SGCZ: variants seen among roughly 807,000 people sequenced by gnomAD.
SGCZ encodes sarcoglycan zeta, also known as zeta-sarcoglycan.
Under a neutral mutation model 41.3 loss-of-function variants are expected in SGCZ, and 40 were observed. That is an observed-to-expected ratio of 0.97 (90% CI 0.75 to 1.26). SGCZ has a LOEUF of 1.26. Among genes scored for constraint, SGCZ ranks in the 50% most tolerant of loss-of-function variants. The pLI is 0.00. For missense variants in SGCZ, 552 were observed against 369.8 expected, an observed-to-expected ratio of 1.49 and a Z score of -4.04; for synonymous variants, 206 against 137.5, an observed-to-expected ratio of 1.50 and a Z score of -3.49.
chr8:14,963,486 G>C (rs906139995), intron 1 of SGCZ, among the ~76,000 whole-genome samples: 1 of 151,954 alleles, frequency 6.6e-6, no homozygotes, highest in African/African-American at 2.4e-5. Flanking sequence ...TTACAGGCGT[G>C]TGCCACCACC....
chr8:14,437,304 C>G (rs900543930), intron 2 of SGCZ, among the ~76,000 whole-genome samples: 3 of 152,074 alleles, frequency 2.0e-5, no homozygotes, highest in African/African-American at 7.2e-5. Flanking sequence ...TGAAAGAAAA[C>G]TTTAATAAAT....
intron 2 of SGCZ, among the ~76,000 whole-genome samples, chr8:14,363,013 A>G (rs1305349749): frequency 2.6e-5 from 4 of 152,152 alleles, no homozygotes; most frequent in African/African-American, 9.7e-5. Context: ...ACGTTGCTCA[A>G]TATGTGGATG....
intron 2 of SGCZ, among the ~76,000 whole-genome samples, chr8:14,464,607 G>C (rs1800996466): frequency 6.7e-6 from 1 of 149,530 alleles, no homozygotes; most frequent in Non-Finnish European, 1.5e-5. Context: ...CTCTGCTTTA[G>C]TCTTTATGAT....
At chr8:14,372,445 T>C (rs111852973) in intron 2 of SGCZ, among the ~76,000 whole-genome samples, 3 of 152,268 alleles carry the variant, frequency 2.0e-5, no homozygotes, top group African/African-American at 7.2e-5. Context: ...CATGAGAGGA[T>C]TTCTGTGGCT....
intron 7 of SGCZ, among the ~76,000 whole-genome samples, chr8:14,093,329 C>G (rs1377604783): frequency 6.6e-6 from 1 of 152,040 alleles, no homozygotes; most frequent in Admixed American, 6.6e-5. Context: ...TTAAGAAACG[C>G]AAATCAAATA....
chr8:14,332,673 T>C (rs1035647740), intron 2 of SGCZ: 6 of 151,640 alleles, frequency 4.0e-5, no homozygotes, highest in Non-Finnish European at 7.4e-5. Flanking sequence ...CATAAATAAA[T>C]GAATAAATCC....
intron 1 of SGCZ, among the ~76,000 whole-genome samples, chr8:14,793,391 G>A (rs1250224442): frequency 6.6e-6 from 1 of 152,120 alleles, no homozygotes; most frequent in African/African-American, 2.4e-5. Context: ...ATGGCACGTA[G>A]CACAGATACT....
rs555831961 is a variant in SGCZ, at chr8:15,117,908, T to C, written c.39+119677A>G. ...TACCCACTTATGCCTTAGGTATTAA[T>C]TGCTGTCTTAAACATACCAGACATG... is the stretch of plus-strand genomic sequence containing the variant. On this transcript the variant is annotated intron_variant, in intron 1 of 7. Transcript: ENST00000382080. Among the ~76,000 whole-genome samples, 9 of 152,346 alleles carry C rather than the reference T, an allele frequency of 5.9e-5. No homozygotes were observed. In the East Asian group the frequency reaches 1.7e-3, roughly 29 times the overall value.
intron 1 of SGCZ, among the ~76,000 whole-genome samples, chr8:14,867,564 C>T (rs552397539): frequency 5.3e-5 from 8 of 152,278 alleles, no homozygotes; most frequent in African/African-American, 1.9e-4. Flanking sequence ...TTTACACTCC[C>T]ACCAAGTGCG....
At chr8:15,189,647 A>G (rs1200943143) in intron 1 of SGCZ, among the ~76,000 whole-genome samples, 1 of 151,864 alleles carries the variant, frequency 6.6e-6, no homozygotes, top group Non-Finnish European at 1.5e-5. Flanking sequence ...AGCTCACTGG[A>G]ACCTCTGCCT....
chr8:14,766,603 C>T (rs1213515114), intron 1 of SGCZ, among the ~76,000 whole-genome samples: 2 of 151,798 alleles, frequency 1.3e-5, no homozygotes, highest in African/African-American at 4.8e-5. Flanking sequence ...ATTCTGTCAC[C>T]CAGGCTGGAG....
At chr8:14,267,054 G>C (rs1321977013) in intron 3 of SGCZ, among the ~76,000 whole-genome samples, 8 of 152,000 alleles carry the variant, frequency 5.3e-5, no homozygotes, top group African/African-American at 1.4e-4. Context: ...GTTTCACTTT[G>C]TCTTATAATA....
chr8:15,048,244 A>T (rs57771945), intron 1 of SGCZ, among the ~76,000 whole-genome samples: 9,363 of 152,102 alleles, frequency 0.062, 408 homozygotes, highest in East Asian at 0.24. Flanking sequence ...GAAAAATATC[A>T]CATGTTCTTA....
chr8:15,105,162 A>C (rs1348752816), intron 1 of SGCZ, among the ~76,000 whole-genome samples: 1 of 152,216 alleles, frequency 6.6e-6, no homozygotes, highest in Non-Finnish European at 1.5e-5. Flanking sequence ...CCAAAAGTCT[A>C]TTCAAGACCT....
chr8:14,369,194 A>G (rs1803823002), intron 2 of SGCZ, among the ~76,000 whole-genome samples: 1 of 152,050 alleles, frequency 6.6e-6, no homozygotes. Context: ...GTCCTTTATA[A>G]CAAAAGCAAA....
At chr8:15,204,984 G>C (rs562220279) in intron 1 of SGCZ, among the ~76,000 whole-genome samples, 1 of 152,072 alleles carries the variant, frequency 6.6e-6, no homozygotes, top group African/African-American at 2.4e-5. Context: ...TAGGTGATGA[G>C]AAATAAGCAC....
intron 1 of SGCZ, 73 bp downstream of exon 1, chr8:15,237,512 A>C: frequency 8.7e-6 from 13 of 1,499,420 alleles, no homozygotes; most frequent in Non-Finnish European, 1.2e-5. Flanking sequence ...CCGCTGGAGG[A>C]GCCGCGGGAA....
intron 4 of SGCZ, among the ~76,000 whole-genome samples, chr8:14,204,930 G>T (rs1805571018): frequency 6.6e-6 from 1 of 151,968 alleles, no homozygotes; most frequent in Admixed American, 6.6e-5. Context: ...TGGAATTCCA[G>T]GTCTCCAGCT....
chr8:14,848,643 C>A (rs950540656), intron 1 of SGCZ, among the ~76,000 whole-genome samples: 2 of 152,102 alleles, frequency 1.3e-5, no homozygotes, highest in African/African-American at 4.8e-5. Flanking sequence ...ACTGGATAAC[C>A]ATATGTAAGA....
Sources: allele counts gnomAD v4.1 joint callset (sites outside exome capture counted in the v4.1 genomes callset), GRCh38; gene constraint gnomAD v4.1.1; transcripts MANE v1.5; gene names NCBI Gene and HGNC (gene_info 2026-07-23, HGNC 2026-07-21).